Variants in GRAMD2B observed in about 807,000 individuals in gnomAD.
The protein encoded by GRAMD2B is GRAM domain-containing protein 2B.
GRAMD2B carries 41 observed loss-of-function variants against 59.2 expected under a neutral mutation model. The observed-to-expected ratio is 0.69, with a 90% CI of 0.54 to 0.90. The LOEUF (loss-of-function observed/expected upper bound fraction) is 0.90. Among genes scored for constraint, GRAMD2B ranks in the 40% least tolerant of loss-of-function variants. GRAMD2B has a pLI of 0.00. For synonymous variants in GRAMD2B, 161 were observed against 182.7 expected, an observed-to-expected ratio of 0.88 and a Z score of 0.96; for missense variants, 424 against 500.5, an observed-to-expected ratio of 0.85 and a Z score of 1.46.
intron 12 of GRAMD2B, among the ~76,000 whole-genome samples, chr5:126,487,827 T>C (rs1179591123): frequency 6.6e-6 from 1 of 152,252 alleles, no homozygotes; most frequent in Non-Finnish European, 1.5e-5. Flanking sequence ...GCTGCAGGTC[T>C]ATATAACTAC....
At chr5:126,472,350 T>A in intron 4 of GRAMD2B, 46 bp downstream of exon 4, 1 of 1,498,428 alleles carries the variant, frequency 6.7e-7, no homozygotes, top group Non-Finnish European at 9.3e-7. Flanking sequence ...ATTTGAAAAG[T>A]TGATCATTAG....
intron 2 of GRAMD2B, among the ~76,000 whole-genome samples, chr5:126,466,646 G>C (rs1768481209): frequency 6.6e-6 from 1 of 152,136 alleles, no homozygotes; most frequent in East Asian, 1.9e-4. Context: ...GGTTGGTCTT[G>C]AACTCCTGAC....
intron 1 of GRAMD2B, among the ~76,000 whole-genome samples, chr5:126,372,903 A>G (rs1376714572): frequency 1.3e-5 from 2 of 152,170 alleles, no homozygotes; most frequent in African/African-American, 4.8e-5. Context: ...AAAAAAATTA[A>G]ATTAAATCAA....
chr5:126,416,397 C>T (rs1759268472), intron 1 of GRAMD2B, among the ~76,000 whole-genome samples: 1 of 152,144 alleles, frequency 6.6e-6, no homozygotes, highest in Admixed American at 6.5e-5. Context: ...TCAGGTCAGT[C>T]AGAGTTCCAC....
intron 1 of GRAMD2B, among the ~76,000 whole-genome samples, chr5:126,450,898 G>A (rs1435959598): frequency 1.3e-5 from 2 of 152,204 alleles, no homozygotes; most frequent in Non-Finnish European, 2.9e-5. Context: ...CCAGGCAGAA[G>A]CCTGTCGCGC....
upstream of GRAMD2B, chr5:126,423,339 GA>G: frequency 1.5e-6 from 2 of 1,309,080 alleles, no homozygotes; most frequent in Non-Finnish European, 1.9e-6. Context: ...CTGGGTTGGG[GA>G]AAGAGGCTGT....
At chr5:126,437,482 C>T (rs1448130212) in intron 1 of GRAMD2B, among the ~76,000 whole-genome samples, 4 of 152,010 alleles carry the variant, frequency 2.6e-5, no homozygotes, top group Non-Finnish European at 5.9e-5. Context: ...ATAGATTTGG[C>T]AATTGTTGGC....
intron 1 of GRAMD2B, among the ~76,000 whole-genome samples, chr5:126,457,647 T>G (rs984775825): frequency 7.2e-5 from 11 of 151,914 alleles, no homozygotes; most frequent in African/African-American, 2.7e-4. Context: ...AAAAAAATTG[T>G]ATATATATCA....
At chr5:126,464,976 G>T in intron 1 of GRAMD2B, 4 of 828,254 alleles carry the variant, frequency 4.8e-6, no homozygotes, top group Non-Finnish European at 5.8e-6. Flanking sequence ...GGAACTGCTT[G>T]GTTAAACAAC....
In GRAMD2B at chr5:126,462,382, C is replaced by T. The variant is rs1028000094; in HGVS notation, c.84-3044C>T. On this transcript the variant is annotated intron_variant, in intron 1 of 13. Coordinates refer to ENST00000285689, the MANE Select transcript of GRAMD2B (RefSeq NM_023927.4). Reference sequence around the variant, plus strand: ...CTCCCACGCTGCTCACTCAAACACACGCTAGCCTCTGCTGCTTGAATTCTA... The same window carrying T: ...CTCCCACGCTGCTCACTCAAACACATGCTAGCCTCTGCTGCTTGAATTCTA... 8.1e-6 allele frequency: 8 copies of T among 984,144 alleles called. 1 individual carries two copies. In the South Asian group the frequency reaches 1.4e-4, roughly 17 times the overall value. 61.0% of individuals were successfully genotyped at this position (984,144 alleles called of 1,614,324 possible).
chr5:126,428,931 T>C lies in GRAMD2B; in HGVS notation c.83+5242T>C, dbSNP rs1447123204. 2.0e-5 allele frequency among the ~76,000 whole-genome samples: 3 copies of C among 152,198 alleles called. 1 individual carries two copies. Among genetic ancestry groups the C allele is most frequent in the Admixed American group, 1.3e-4 (2 of 15,274 alleles). On this transcript the variant is annotated intron_variant, in intron 1 of 13. Coordinates refer to ENST00000285689, the MANE Select transcript of GRAMD2B (RefSeq NM_023927.4). ...CAGAGAAAAAAGAATGCTTATTCACTGTTGCTGGGGGTGTAAATTAGTTTG... is the reference window on the plus strand; with the variant it reads ...CAGAGAAAAAAGAATGCTTATTCACCGTTGCTGGGGGTGTAAATTAGTTTG...
intron 1 of GRAMD2B, among the ~76,000 whole-genome samples, chr5:126,403,341 T>A (rs1757989324): frequency 6.6e-6 from 1 of 152,030 alleles, no homozygotes; most frequent in South Asian, 2.1e-4. Flanking sequence ...GGAATCTGAG[T>A]TCTTTCCACA....
intron 1 of GRAMD2B, among the ~76,000 whole-genome samples, chr5:126,438,127 C>T (rs926293626): frequency 6.6e-6 from 1 of 152,158 alleles, no homozygotes; most frequent in Admixed American, 6.5e-5. Flanking sequence ...TCTCCTAGCC[C>T]ATCAGCCCCT....
chr5:126,428,353 C>G (rs1184757578), intron 1 of GRAMD2B, among the ~76,000 whole-genome samples: 1 of 151,914 alleles, frequency 6.6e-6, no homozygotes, highest in Non-Finnish European at 1.5e-5. Flanking sequence ...AAATGGTATA[C>G]ATATTATATT....
intron 1 of GRAMD2B, among the ~76,000 whole-genome samples, chr5:126,389,601 A>C (rs1383783732): frequency 6.6e-6 from 1 of 152,226 alleles, no homozygotes; most frequent in Non-Finnish European, 1.5e-5. Context: ...TGCTTAAAAT[A>C]AATGTTTCAC....
At chr5:126,386,521 T>G (rs1756152415) in intron 1 of GRAMD2B, among the ~76,000 whole-genome samples, 1 of 152,178 alleles carries the variant, frequency 6.6e-6, no homozygotes, top group Non-Finnish European at 1.5e-5. Flanking sequence ...CTCAGGGACT[T>G]TCATGAGGTG....
At chr5:126,386,535 A>G (rs1007050029) in intron 1 of GRAMD2B, among the ~76,000 whole-genome samples, 1 of 152,222 alleles carries the variant, frequency 6.6e-6, no homozygotes, top group Non-Finnish European at 1.5e-5. Context: ...TGAGGTGGAC[A>G]ATCCAAGGCT....
At chr5:126,369,190 T>C (rs1349171022), upstream of GRAMD2B, among the ~76,000 whole-genome samples, 1 of 152,188 alleles carries the variant, frequency 6.6e-6, no homozygotes, top group Non-Finnish European at 1.5e-5. Context: ...AAACCCCACA[T>C]TTTCCATTAG....
intron 2 of GRAMD2B, among the ~76,000 whole-genome samples, chr5:126,468,193 G>T (rs952759965): frequency 1.3e-5 from 2 of 152,188 alleles, no homozygotes; most frequent in African/African-American, 2.4e-5. Flanking sequence ...TAGCCGTAGG[G>T]TTGAAGTTAC....
Sources: gnomAD v4.1 joint callset for allele counts (sites outside exome capture counted in the v4.1 genomes callset) on GRCh38, gnomAD v4.1.1 for gene constraint, MANE v1.5 for transcripts, NCBI Gene and HGNC (gene_info 2026-07-23, HGNC 2026-07-21) for gene names.